ALCAM: variants seen among roughly 807,000 people sequenced by gnomAD.
The protein encoded by ALCAM is CD166 antigen.
In ALCAM, 30 loss-of-function variants were observed where a neutral mutation model predicts 70.9. The observed-to-expected ratio is 0.42, with a 90% CI of 0.32 to 0.57. The LOEUF (loss-of-function observed/expected upper bound fraction) is 0.57. Ranked by LOEUF, ALCAM falls within the 20% of genes least tolerant of loss-of-function variation. The pLI, the probability that ALCAM is intolerant of heterozygous loss-of-function variation, is 0.11. For synonymous variants in ALCAM, 249 were observed against 242.5 expected, an observed-to-expected ratio of 1.03 and a Z score of -0.25; for missense variants, 591 against 695.1, an observed-to-expected ratio of 0.85 and a Z score of 1.68.
chr3:105,463,683 G>A (rs1559800310), intron 1 of ALCAM, among the ~76,000 whole-genome samples: 1 of 151,262 alleles, frequency 6.6e-6, no homozygotes, highest in East Asian at 1.9e-4. Context: ...ATCTTTTGTC[G>A]ACTTTTGGAG....
intron 1 of ALCAM, among the ~76,000 whole-genome samples, chr3:105,418,273 T>C (rs193225267): frequency 9.1e-4 from 139 of 152,030 alleles, no homozygotes; most frequent in African/African-American, 3.3e-3. Context: ...AATATTAAAA[T>C]GCAATCTTCA....
chr3:105,478,995 A>T (rs1274906491), intron 1 of ALCAM, among the ~76,000 whole-genome samples: 1 of 152,172 alleles, frequency 6.6e-6, no homozygotes, highest in Non-Finnish European at 1.5e-5. Flanking sequence ...CCAGTCACTG[A>T]ACATTTACAG....
At chr3:105,525,724 A>G (rs759698546) in intron 3 of ALCAM, among the ~76,000 whole-genome samples, 1 of 152,182 alleles carries the variant, frequency 6.6e-6, no homozygotes, top group Non-Finnish European at 1.5e-5. Context: ...TGCAGATTCA[A>G]AGCATGCTTA....
At chr3:105,524,836 G>T (rs1939655524) in intron 3 of ALCAM, 8 of 1,068,878 alleles carry the variant, frequency 7.5e-6, no homozygotes, top group Non-Finnish European at 9.1e-6. Flanking sequence ...AGTGTTGTGT[G>T]ATACATACAT....
chr3:105,434,428 C>T (rs1937006282), intron 1 of ALCAM, among the ~76,000 whole-genome samples: 1 of 152,068 alleles, frequency 6.6e-6, no homozygotes, highest in African/African-American at 2.4e-5. Context: ...GCACTTAAAA[C>T]TTAGCTTTGC....
At position 105,547,576 on chromosome 3, in the gene ALCAM, TC is replaced by T. The variant is rs1940282369; in HGVS notation, c.1374+55del. The stretch of plus-strand genomic sequence containing the variant: ...TGCACTTCGTCCAATGCGTTTTTTT[TC>T]CTTCACGAACCTACCCTATAGGTTG... On this transcript the variant is annotated intron_variant, in intron 11 of 15. Transcript: ENST00000306107. 6.3e-5 allele frequency: 98 copies of T among 1,559,490 alleles called. 2 individuals carry two copies. In the South Asian group the frequency reaches 1.1e-3, roughly 18 times the overall value.
rs200414406 is a variant in ALCAM, at chr3:105,534,684, A to G, written c.569A>G (p.Lys190Arg). 8.1e-6 allele frequency: 13 copies of G among 1,613,748 alleles called. No homozygotes were observed. In the East Asian group the frequency reaches 2.5e-4, roughly 30 times the overall value. The part of the protein sequence containing the change: ...LEGAVVIIFK[K>R]EMDPVTQLYT... ...TCAGCGGTGGTCATAATTTTTAAAAAGGAAATGGACCCAGTGACTCAGCTC... is the reference window on the plus strand; with the variant it reads ...TCAGCGGTGGTCATAATTTTTAAAAGGGAAATGGACCCAGTGACTCAGCTC... Residue 190 changes from lysine (K) to arginine (R), a missense_variant, in exon 6 of 16, where the codon AAG becomes AGG. Coordinates refer to ENST00000306107, the MANE Select transcript of ALCAM (RefSeq NM_001627.4).
intron 1 of ALCAM, among the ~76,000 whole-genome samples, chr3:105,458,549 ATACT>A (rs1212314069): frequency 2.0e-5 from 3 of 152,208 alleles, no homozygotes; most frequent in Non-Finnish European, 4.4e-5. Context: ...AACTCTCCAA[ATACT>A]TACATACTCA....
At chr3:105,477,726 C>T (rs2152606202) in intron 1 of ALCAM, among the ~76,000 whole-genome samples, 1 of 152,054 alleles carries the variant, frequency 6.6e-6, no homozygotes, top group South Asian at 2.1e-4. Context: ...TATATTACAA[C>T]TTTTGGTATC....
At chr3:105,497,054 A>C (rs1270948452) in intron 1 of ALCAM, among the ~76,000 whole-genome samples, 1 of 152,140 alleles carries the variant, frequency 6.6e-6, no homozygotes, top group Non-Finnish European at 1.5e-5. Flanking sequence ...AATCTAATCA[A>C]TGCAGAATAG....
chr3:105,513,805 A>T (rs1372484242), intron 1 of ALCAM, among the ~76,000 whole-genome samples: 1 of 151,990 alleles, frequency 6.6e-6, no homozygotes, highest in Non-Finnish European at 1.5e-5. Context: ...TAGAGATCTA[A>T]CATTTTATTG....
At chr3:105,378,557 A>T (rs943225209) in intron 1 of ALCAM, among the ~76,000 whole-genome samples, 3 of 151,644 alleles carry the variant, frequency 2.0e-5, no homozygotes, top group Non-Finnish European at 4.4e-5. Flanking sequence ...TGTAATTTAT[A>T]TTTGGATTTA....
intron 1 of ALCAM, among the ~76,000 whole-genome samples, chr3:105,455,596 TCAGATAC>T (rs1442442465): frequency 6.6e-6 from 1 of 152,044 alleles, no homozygotes; most frequent in Non-Finnish European, 1.5e-5. Context: ...GAGGTGGAGC[TCAGATAC>T]CAGACAAAAT....
chr3:105,442,884 AAGTAT>A (rs1389170910), intron 1 of ALCAM, among the ~76,000 whole-genome samples: 2 of 152,154 alleles, frequency 1.3e-5, no homozygotes, highest in African/African-American at 4.8e-5. Flanking sequence ...GCGCATGGTG[AAGTAT>A]AGTGAGTATA....
At chr3:105,570,979 T>C (rs1487076859) in intron 14 of ALCAM, among the ~76,000 whole-genome samples, 1 of 152,138 alleles carries the variant, frequency 6.6e-6, no homozygotes, top group East Asian at 1.9e-4. Context: ...GGGTGCACTC[T>C]TGGACATACA....
At chr3:105,424,385 C>A (rs754668986) in intron 1 of ALCAM, among the ~76,000 whole-genome samples, 3 of 151,560 alleles carry the variant, frequency 2.0e-5, no homozygotes, top group Non-Finnish European at 4.4e-5. Flanking sequence ...TTAGAATAGT[C>A]CGAATTTCAA....
At chr3:105,414,497 G>A (rs904736416) in intron 1 of ALCAM, among the ~76,000 whole-genome samples, 1 of 152,100 alleles carries the variant, frequency 6.6e-6, no homozygotes. Context: ...TTGTCTGAAT[G>A]GAGTGAATTG....
At chr3:105,381,628 G>C (rs1274852723) in intron 1 of ALCAM, among the ~76,000 whole-genome samples, 1 of 151,872 alleles carries the variant, frequency 6.6e-6, no homozygotes, top group Non-Finnish European at 1.5e-5. Context: ...ATAGTTTACA[G>C]TGTCTAAAAG....
intron 1 of ALCAM, among the ~76,000 whole-genome samples, chr3:105,439,076 G>C (rs1937115746): frequency 6.6e-6 from 1 of 152,166 alleles, no homozygotes. Flanking sequence ...GCCTTAGACA[G>C]TGAGTAATCA....
Sources: allele counts gnomAD v4.1 joint callset (sites outside exome capture counted in the v4.1 genomes callset), GRCh38; gene constraint gnomAD v4.1.1; transcripts MANE v1.5; gene names NCBI Gene and HGNC (gene_info 2026-07-23, HGNC 2026-07-21).